Variants in RFXANK observed in about 807,000 individuals in gnomAD.
RFXANK encodes regulatory factor X associated ankyrin containing protein.
RFXANK carries 19 observed loss-of-function variants against 34.5 expected under a neutral mutation model. The observed-to-expected ratio is 0.55, with a 90% CI of 0.38 to 0.81. The LOEUF is 0.81. Ranked by LOEUF, RFXANK falls within the 30% of genes least tolerant of loss-of-function variation. RFXANK has a pLI of 0.00. For missense variants in RFXANK, 295 were observed against 343.5 expected, an observed-to-expected ratio of 0.86 and a Z score of 1.12; for synonymous variants, 154 against 149.8, an observed-to-expected ratio of 1.03 and a Z score of -0.20.
chr19:19,198,897 G>GATAACCCC, intron 8 of RFXANK, 174 bp downstream of exon 8: 1 of 782,144 alleles, frequency 1.3e-6, no homozygotes. Context: ...GACCACACGG[G>GATAACCCC]AGTCGGGGTC....
chr19:19,201,354 A>T, intron 9 of RFXANK: 5 of 956,416 alleles, frequency 5.2e-6, no homozygotes. Context: ...CTGGGATTAT[A>T]GGTGTGAGCC....
chr19:19,193,850 C>T, intron 2 of RFXANK, 89 bp from the exon 3 acceptor site: 1 of 1,437,728 alleles, frequency 7.0e-7, no homozygotes. Context: ...CCCACCCTCA[C>T]AGTGCAAGGC....
chr19:19,193,143 C>T (rs2060519982), intron 2 of RFXANK, 43 bp downstream of exon 2: 1 of 152,246 alleles, frequency 6.6e-6, no homozygotes, highest in African/African-American at 2.4e-5. Context: ...TCGGGTGGGA[C>T]TGGGACCAAT....
intron 2 of RFXANK, among the ~76,000 whole-genome samples, chr19:19,193,533 A>G (rs2060534215): frequency 1.4e-5 from 2 of 147,486 alleles, no homozygotes; most frequent in Non-Finnish European, 3.0e-5. Flanking sequence ...ATTCTGCCTC[A>G]GCCTCCCGAG....
Position 19,201,684 on chromosome 19 carries a change from T to C in RFXANK, c.748T>C (p.Phe250Leu). The C allele has an allele frequency of 6.2e-7, 1 of 1,614,128 alleles. No homozygotes were observed. Among genetic ancestry groups the C allele is most frequent in the Non-Finnish European group, 8.5e-7 (1 of 1,180,012 alleles). Residue 250 changes from phenylalanine to leucine, a missense_variant, in exon 10 of 10, where the codon TTC (phenylalanine) becomes CTC (leucine). Physicochemically the swap from Phe to Leu is conservative, Grantham distance 22 (BLOSUM62 0). Coordinates refer to ENST00000303088, the MANE Select transcript of RFXANK (RefSeq NM_003721.4). ...QVIENHILKLFQSNLVPADPE is the reference protein window; with the variant it reads ...QVIENHILKLLQSNLVPADPE ...GATCGAGAACCACATCCTCAAGCTC[T>C]TCCAGAGCAACCTGGTGCCCGCTGA...
rs191859379 is a variant in RFXANK at position 19,201,507 on chromosome 19, C to T, written c.713-142C>T. On this transcript the variant is annotated intron_variant, in intron 9 of 9. Transcript: ENST00000303088. ...AGTTGAGGTTCCTGGGGTGAGTCCT[C>T]GGTTCTCCCAGCTTTGCTCTGTAAT... 601 of 1,598,382 alleles carry T rather than the reference C, an allele frequency of 3.8e-4. 2 individuals carry two copies. The Middle Eastern group carries it at 0.011, about 30-fold the overall frequency.
intron 3 of RFXANK, among the ~76,000 whole-genome samples, chr19:19,194,716 G>A (rs970010253): frequency 1.3e-5 from 2 of 150,024 alleles, no homozygotes; most frequent in African/African-American, 4.9e-5. Context: ...TGGGAGGCTG[G>A]TCTCCACCTC....
At chr19:19,196,893 A>G (rs1480219021) in intron 3 of RFXANK, 70 bp from the exon 4 acceptor site, 2 of 1,379,984 alleles carry the variant, frequency 1.4e-6, no homozygotes, top group African/African-American at 2.8e-5. Context: ...AAAAAAACAG[A>G]TGGGCTTCTG....
chr19:19,194,220 TTTTTG>T (rs900123281), intron 3 of RFXANK, 87 bp downstream of exon 3: 46 of 1,441,606 alleles, frequency 3.2e-5, no homozygotes, highest in Middle Eastern at 3.8e-4. Flanking sequence ...CTTGCTTTCG[TTTTTG>T]TTTTGTTTTG....
chr19:19,199,267 T>A, intron 9 of RFXANK, 33 bp downstream of exon 9: 5 of 1,605,174 alleles, frequency 3.1e-6, no homozygotes, highest in Non-Finnish European at 4.3e-6. Flanking sequence ...AGGGGTGGGG[T>A]CCCTTCCATA....
At chr19:19,195,303 C>G (rs368738170) in intron 3 of RFXANK, among the ~76,000 whole-genome samples, 1 of 140,326 alleles carries the variant, frequency 7.1e-6, no homozygotes, top group African/African-American at 2.6e-5. Context: ...TCCCCACTCT[C>G]GAGACGCCTC....
intron 6 of RFXANK, 38 bp downstream of exon 6, chr19:19,197,659 G>A (rs759862267): frequency 3.0e-5 from 47 of 1,576,098 alleles, no homozygotes; most frequent in Admixed American, 1.5e-4. Context: ...GGGGGTTCCC[G>A]GGGGCCTTAG....
chr19:19,197,476 G>C, intron 5 of RFXANK, 45 bp from the exon 6 acceptor site: 1 of 1,585,712 alleles, frequency 6.3e-7, no homozygotes, highest in Non-Finnish European at 8.6e-7. Context: ...TGGGGATAGG[G>C]GGCAGGGGTG....
chr19:19,198,537 T>G, intron 7 of RFXANK, 120 bp from the exon 8 acceptor site: 2 of 1,209,196 alleles, frequency 1.7e-6, no homozygotes, highest in Non-Finnish European at 2.4e-6. Context: ...CCCCAGAAAG[T>G]GAGATGGGCC....
intron 9 of RFXANK, chr19:19,200,788 A>AT (rs71170606): frequency 0.079 from 6,636 of 84,350 alleles, 688 homozygotes; most frequent in Admixed American, 0.11. Flanking sequence ...CACCTGGCTA[A>AT]TTTTTTTTTT....
chr19:19,194,712 G>T (rs1448157272), intron 3 of RFXANK, among the ~76,000 whole-genome samples: 1 of 150,194 alleles, frequency 6.7e-6, no homozygotes, highest in Non-Finnish European at 1.5e-5. Flanking sequence ...TTTTTGGGAG[G>T]CTGGTCTCCA....
chr19:19,198,864 G>A (rs1292674419), intron 8 of RFXANK, 141 bp downstream of exon 8: 3 of 902,516 alleles, frequency 3.3e-6, no homozygotes, highest in Non-Finnish European at 5.4e-6. Flanking sequence ...TCGGAGGATG[G>A]ATCAGAGGGG....
At position 19,197,267 on chromosome 19, in the gene RFXANK, C is replaced by A. The variant is rs781634651; in HGVS notation, c.337+16C>A. On this transcript the variant is annotated intron_variant, in intron 5 of 9. Transcript: ENST00000303088. Reference sequence around the variant, plus strand: ...TTGCGGAAAGGTGCGTGTCCACACACATGTGCTGGCATGTCTGCACCTGGC... The same window carrying A: ...TTGCGGAAAGGTGCGTGTCCACACAAATGTGCTGGCATGTCTGCACCTGGC... 1 of 1,611,586 alleles carries A rather than the reference C, an allele frequency of 6.2e-7. No homozygotes were observed. The highest frequency in any genetic ancestry group is 8.5e-7 in the Non-Finnish European group (1 of 1,179,776).
At chr19:19,193,656 C>T (rs987018673) in intron 2 of RFXANK, among the ~76,000 whole-genome samples, 1 of 152,018 alleles carries the variant, frequency 6.6e-6, no homozygotes, top group African/African-American at 2.4e-5. Flanking sequence ...CCTCATGATC[C>T]ACCCTCCTCG....
Sources: gnomAD v4.1 joint callset for allele counts (sites outside exome capture counted in the v4.1 genomes callset) on GRCh38, gnomAD v4.1.1 for gene constraint, MANE v1.5 for transcripts, NCBI Gene and HGNC (gene_info 2026-07-23, HGNC 2026-07-21) for gene names.